The following TCERG1L variants were observed in gnomAD, a reference collection of about 807,000 sequenced individuals.
TCERG1L encodes the protein transcription elongation regulator 1 like.
TCERG1L carries 37 observed loss-of-function variants against 56.3 expected under a neutral mutation model. That is an observed-to-expected ratio of 0.66 (90% CI 0.51 to 0.87). The LOEUF (loss-of-function observed/expected upper bound fraction) is 0.87, where lower values mean the gene tolerates loss of function less well. Among genes scored for constraint, TCERG1L ranks in the 40% least tolerant of loss-of-function variants. TCERG1L has a pLI of 0.00. For missense variants in TCERG1L, 799 were observed against 774.2 expected (o/e 1.03, Z -0.38); for synonymous variants, 324 against 326.3 (o/e 0.99, Z 0.08).
intron 4 of TCERG1L, among the ~76,000 whole-genome samples, chr10:131,177,384 G>A (rs921124051): frequency 3.9e-5 from 6 of 152,238 alleles, no homozygotes; most frequent in Admixed American, 1.3e-4. Context: ...TGTGCCCTCC[G>A]TGTGCCAGAA....
At chr10:131,253,842 C>A (rs1846139114) in intron 4 of TCERG1L, among the ~76,000 whole-genome samples, 1 of 152,044 alleles carries the variant, frequency 6.6e-6, no homozygotes, top group Non-Finnish European at 1.5e-5. Flanking sequence ...GGCACCAGGG[C>A]CTCAGTGGTG....
chr10:131,163,160 G>A lies in TCERG1L; in HGVS notation c.996C>T (p.Asn332=). ...GCACCGGGGTGGAGGCCACTGGCCTGTTGCCTCTGGCTGTGCTGTCCTCTC... is the reference window on the plus strand; with the variant it reads ...GCACCGGGGTGGAGGCCACTGGCCTATTGCCTCTGGCTGTGCTGTCCTCTC... The part of the protein sequence containing the change: ...GGGEDSTARG[N]RPVASTPVPG... Residue 332 remains asparagine (N), a synonymous_variant, in exon 6 of 12, where the codon AAC becomes AAT. Coordinates refer to ENST00000368642, the MANE Select transcript of TCERG1L (RefSeq NM_174937.4). The A allele has an allele frequency of 1.3e-6, 2 of 1,577,824 alleles. No homozygotes were observed. The highest frequency in any genetic ancestry group is 1.7e-6 in the Non-Finnish European group (2 of 1,160,698).
intron 6 of TCERG1L, among the ~76,000 whole-genome samples, chr10:131,160,125 C>T (rs1187131396): frequency 6.6e-6 from 1 of 152,210 alleles, no homozygotes; most frequent in Non-Finnish European, 1.5e-5. Context: ...CTGATTCAAG[C>T]AGTGTGCTCC....
chr10:131,138,878 A>G (rs989970480), intron 7 of TCERG1L, among the ~76,000 whole-genome samples: 14 of 152,340 alleles, frequency 9.2e-5, no homozygotes, highest in Admixed American at 9.1e-4. Context: ...AAAATCAAGG[A>G]CAACTTGTTC....
chr10:131,284,560 C>A (rs1846498502), intron 3 of TCERG1L, among the ~76,000 whole-genome samples: 1 of 151,696 alleles, frequency 6.6e-6, no homozygotes. Context: ...AGATTTCAAT[C>A]AAGTTGAAAA....
rs752752297 is a variant in TCERG1L, at chr10:131,289,651, GGTGT to G, written c.670+18556_670+18559del. 6.5e-3 allele frequency among the ~76,000 whole-genome samples: 259 copies of G among 39,562 alleles called. 69 individuals are homozygous for G. The highest frequency in any genetic ancestry group is 0.016 in the African/African-American group (245 of 15,182). The allele number at this position is 39,562 out of a possible 152,430, so 26.0% of individuals were successfully genotyped here. On this transcript the variant is annotated intron_variant, in intron 3 of 11. Transcript: ENST00000368642. The stretch of plus-strand genomic sequence containing the variant: ...GTGTGCACTGCCTCCATCTCCTATC[GGTGT>G]GTGTGTGTGTATGTGTGCACTGCTG...
At chr10:131,292,831 T>G (rs1245809004) in intron 3 of TCERG1L, among the ~76,000 whole-genome samples, 1 of 151,842 alleles carries the variant, frequency 6.6e-6, no homozygotes, top group Admixed American at 6.6e-5. Flanking sequence ...ATGAGAATTT[T>G]TAATCATTTT....
At chr10:131,202,015 G>C (rs1467469903) in intron 4 of TCERG1L, among the ~76,000 whole-genome samples, 6 of 152,218 alleles carry the variant, frequency 3.9e-5, no homozygotes, top group Non-Finnish European at 8.8e-5. Context: ...TCCGATGACT[G>C]CTCCTTAGGA....
chr10:131,107,223 G>C (rs571111809), intron 9 of TCERG1L, among the ~76,000 whole-genome samples: 9 of 152,276 alleles, frequency 5.9e-5, no homozygotes, highest in African/African-American at 1.9e-4. Flanking sequence ...CCACCTCACG[G>C]GGACCTGTGC....
intron 8 of TCERG1L, among the ~76,000 whole-genome samples, chr10:131,117,966 C>T (rs907453874): frequency 5.3e-5 from 8 of 152,152 alleles, no homozygotes; most frequent in Non-Finnish European, 1.5e-5. Flanking sequence ...TGCCTGGGGG[C>T]AGGTCCGTCG....
intron 4 of TCERG1L, among the ~76,000 whole-genome samples, chr10:131,196,390 T>A (rs1845363977): frequency 6.6e-6 from 1 of 152,146 alleles, no homozygotes; most frequent in African/African-American, 2.4e-5. Flanking sequence ...GGCGTGTTGG[T>A]TCCTTCCAAG....
chr10:131,284,238 A>G (rs926149567), intron 3 of TCERG1L, among the ~76,000 whole-genome samples: 5 of 152,148 alleles, frequency 3.3e-5, no homozygotes, highest in Admixed American at 2.0e-4. Flanking sequence ...TTCAGTTACA[A>G]ATGAATAACA....
At chr10:131,094,069 T>TCTCAAGG (rs1209230316) in intron 11 of TCERG1L, among the ~76,000 whole-genome samples, 5 of 152,182 alleles carry the variant, frequency 3.3e-5, no homozygotes, top group Non-Finnish European at 7.3e-5. Context: ...GCAAGGCTGT[T>TCTCAAGG]CTCAAGGCTA....
At chr10:131,142,924 GC>G (rs569274720) in intron 7 of TCERG1L, among the ~76,000 whole-genome samples, 61 of 152,266 alleles carry the variant, frequency 4.0e-4, no homozygotes, top group African/African-American at 1.4e-3. Flanking sequence ...CATCCAGGTG[GC>G]CCCATAGACC....
Position 131,308,329 on chromosome 10 carries a change from A to G in TCERG1L, c.552T>C (p.Phe184=), listed in dbSNP as rs1846837403. 3.7e-6 allele frequency: 6 copies of G among 1,614,030 alleles called. No homozygotes were observed. The highest frequency in any genetic ancestry group is 5.1e-6 in the Non-Finnish European group (6 of 1,179,900). Residue 184 remains phenylalanine, a synonymous_variant, in exon 3 of 12, where the codon TTT becomes TTC. Coordinates refer to ENST00000368642, the MANE Select transcript of TCERG1L (RefSeq NM_174937.4). ...STWIHPEESR[F]FHGHEKPRLL... is the part of the protein sequence containing the mutation. ...AACGAGGCTTTTCATGCCCATGGAA[A>G]AACCTTGACTCCTCAGGATGTATCC... is the stretch of plus-strand genomic sequence containing the variant.
At chr10:131,232,363 C>G (rs953261285) in intron 4 of TCERG1L, among the ~76,000 whole-genome samples, 1 of 152,226 alleles carries the variant, frequency 6.6e-6, no homozygotes, top group Non-Finnish European at 1.5e-5. Flanking sequence ...CACGCCGGGG[C>G]ACTCCCTGGC....
intron 4 of TCERG1L, among the ~76,000 whole-genome samples, chr10:131,250,791 TCATAAA>T: frequency 6.6e-6 from 1 of 152,234 alleles, no homozygotes; most frequent in East Asian, 1.9e-4. Flanking sequence ...AGCCTTCTGG[TCATAAA>T]CACTGACTAA....
Position 131,146,605 on chromosome 10 carries a change from G to C in TCERG1L, c.1090C>G (p.Leu364Val). 1 of 1,613,874 alleles carries C rather than the reference G, an allele frequency of 6.2e-7. No homozygotes were observed. ...RVFFFNPTMH[L>V]SVWEKPMDLK... is the part of the protein sequence containing the mutation. Reference sequence around the variant, plus strand: ...TCCATGGGCTTCTCCCAGACAGACAGGTGCATCGTTGGGTTGAAGAAGAAA... The same window carrying C: ...TCCATGGGCTTCTCCCAGACAGACACGTGCATCGTTGGGTTGAAGAAGAAA... The change falls in exon 7 of 12, where the codon CTG becomes GTG. Residue 364 changes from leucine to valine, a missense_variant. Leu to Val is a conservative substitution (Grantham distance 32). Coordinates refer to ENST00000368642, the MANE Select transcript of TCERG1L (RefSeq NM_174937.4).
intron 4 of TCERG1L, among the ~76,000 whole-genome samples, chr10:131,182,031 G>A (rs1421848147): frequency 1.3e-5 from 2 of 152,106 alleles, no homozygotes; most frequent in Non-Finnish European, 2.9e-5. Flanking sequence ...TGTGTACATA[G>A]CACTCTGTGC....
Sources: allele counts gnomAD v4.1 joint callset (sites outside exome capture counted in the v4.1 genomes callset), GRCh38; gene constraint gnomAD v4.1.1; transcripts MANE v1.5; gene names NCBI Gene and HGNC (gene_info 2026-07-23, HGNC 2026-07-21).